Variants in TTC28 observed in about 807,000 individuals in gnomAD.
TTC28 encodes the protein tetratricopeptide repeat domain 28.
TTC28 carries 61 observed loss-of-function variants against 198.0 expected under a neutral mutation model. The ratio of observed to expected loss-of-function variants is 0.31; its 90% CI spans 0.25 to 0.38. The LOEUF (loss-of-function observed/expected upper bound fraction) is 0.38, where lower values mean the gene tolerates loss of function less well. Ranked by LOEUF, TTC28 falls within the 10% of genes least tolerant of loss-of-function variation. TTC28 has a pLI of 1.00. For missense variants in TTC28, 2,678 were observed against 3,164.0 expected (o/e 0.85, Z 3.69); for synonymous variants, 1,171 against 1,297.8 (o/e 0.90, Z 2.10).
intron 2 of TTC28, among the ~76,000 whole-genome samples, chr22:28,620,272 C>A (rs2050972509): frequency 1.3e-5 from 2 of 151,788 alleles, no homozygotes; most frequent in African/African-American, 4.8e-5. Context: ...ACTGTTTGAA[C>A]CAGAGAGGCA....
chr22:28,059,632 T>C (rs1940430764), intron 12 of TTC28, among the ~76,000 whole-genome samples: 1 of 152,056 alleles, frequency 6.6e-6, no homozygotes. Context: ...TATTTATCAA[T>C]ACAGAGTGGT....
chr22:28,569,330 AAAC>A (rs1357347523), intron 2 of TTC28, among the ~76,000 whole-genome samples: 1 of 152,144 alleles, frequency 6.6e-6, no homozygotes, highest in African/African-American at 2.4e-5. Context: ...ACATGATATC[AAAC>A]AACATGATAC....
intron 14 of TTC28, among the ~76,000 whole-genome samples, chr22:28,006,085 G>T (rs752085803): frequency 6.6e-6 from 1 of 152,226 alleles, no homozygotes. Context: ...GGAAAGAATA[G>T]GGGGTCTGAG....
chr22:28,349,364 T>G (rs1007138338), intron 2 of TTC28, among the ~76,000 whole-genome samples: 11 of 152,298 alleles, frequency 7.2e-5, no homozygotes, highest in African/African-American at 2.6e-4. Flanking sequence ...TTGATGCAAT[T>G]TAATATTTTA....
chr22:28,275,586 T>C (rs927948945), intron 5 of TTC28, among the ~76,000 whole-genome samples: 2 of 152,170 alleles, frequency 1.3e-5, no homozygotes, highest in African/African-American at 2.4e-5. Context: ...TAACTTATAA[T>C]TGTTTTACAT....
At chr22:28,106,068 A>C (rs1942290195) in intron 7 of TTC28, among the ~76,000 whole-genome samples, 1 of 152,212 alleles carries the variant, frequency 6.6e-6, no homozygotes, top group Non-Finnish European at 1.5e-5. Flanking sequence ...AACATAAAAT[A>C]TATTAATAGG....
chr22:28,581,759 A>C (rs2050236803), intron 2 of TTC28, among the ~76,000 whole-genome samples: 1 of 152,202 alleles, frequency 6.6e-6, no homozygotes, highest in Admixed American at 6.5e-5. Context: ...AAACGAACAA[A>C]CAAAAGAACA....
At chr22:27,984,072 C>A (rs1937120697) in intron 22 of TTC28, among the ~76,000 whole-genome samples, 1 of 152,144 alleles carries the variant, frequency 6.6e-6, no homozygotes, top group Non-Finnish European at 1.5e-5. Context: ...GCCACACCCA[C>A]CCCAGACCCA....
intron 2 of TTC28, among the ~76,000 whole-genome samples, chr22:28,502,572 C>T (rs763276723): frequency 2.0e-5 from 3 of 151,716 alleles, no homozygotes; most frequent in Non-Finnish European, 4.4e-5. Context: ...GGTGTGAATC[C>T]GGGAGGCAGA....
chr22:28,677,175 AATAT>A lies in TTC28; in HGVS notation c.102+2443_102+2446del, dbSNP rs143954002. On this transcript the variant is annotated intron_variant, in intron 1 of 22. Transcript: ENST00000397906. Reference sequence around the variant, plus strand: ...CATCTCAGGAAAAAAAAAAAAAAAAAATATATATATATATATATATATATATACA... The same window carrying A: ...CATCTCAGGAAAAAAAAAAAAAAAAAATATATATATATATATATATATACA... Among the ~76,000 whole-genome samples, 419 of 69,376 alleles carry A rather than the reference AATAT, an allele frequency of 6.0e-3. 4 individuals carry two copies. Among genetic ancestry groups the A allele is most frequent in the East Asian group, 0.02 (52 of 2,566 alleles). 45.5% of individuals were successfully genotyped at this position (69,376 alleles called of 152,430 possible). A position where few individuals can be genotyped will look rare whatever the true frequency, so the allele number is the denominator to read the frequency against.
chr22:28,597,684 A>G lies in TTC28; in HGVS notation c.381+31868T>C, dbSNP rs2050564268. On this transcript the variant is annotated intron_variant, in intron 2 of 22. Transcript: ENST00000397906. ...GCAACTAGCAGTATGGCAACTAGCC[A>G]ATATATGATCTATTTATACGGAAAA... Among the ~76,000 whole-genome samples, 3 of 152,240 alleles carry G rather than the reference A, an allele frequency of 2.0e-5. No homozygotes were observed. The South Asian group carries it at 6.2e-4, about 31-fold the overall frequency.
chr22:28,251,098 T>A (rs1466460226), intron 5 of TTC28, among the ~76,000 whole-genome samples: 1 of 152,244 alleles, frequency 6.6e-6, no homozygotes, highest in Non-Finnish European at 1.5e-5. Context: ...AAGATGGCTA[T>A]GACTGGTTTT....
intron 5 of TTC28, among the ~76,000 whole-genome samples, chr22:28,224,360 T>C (rs1292643992): frequency 2.0e-5 from 3 of 152,164 alleles, no homozygotes; most frequent in African/African-American, 7.2e-5. Context: ...ACATGTAGTA[T>C]GCAATGTGCC....
In TTC28 at chr22:28,171,422, T is replaced by A. The variant is rs189350917; in HGVS notation, c.934-7823A>T. ...GGGCCTCCTGGCTAGGGAATAACAA[T>A]GAGGGGATGCTGTCCCTCCTGGAGT... is the stretch of plus-strand genomic sequence containing the variant. On this transcript the variant is annotated intron_variant, in intron 5 of 22. Transcript: ENST00000397906. Among the ~76,000 whole-genome samples, 31 of 152,260 alleles carry A rather than the reference T, an allele frequency of 2.0e-4. No homozygotes were observed. The East Asian group carries it at 5.4e-3, about 27-fold the overall frequency.
At chr22:28,048,244 C>G (rs1939943483) in intron 12 of TTC28, among the ~76,000 whole-genome samples, 1 of 152,098 alleles carries the variant, frequency 6.6e-6, no homozygotes, top group Non-Finnish European at 1.5e-5. Context: ...GTGCAAGATG[C>G]TATAAGAGAT....
At chr22:28,679,480 A>ACGGCTCG in intron 1 of TTC28, 142 bp downstream of exon 1, 1 of 535,386 alleles carries the variant, frequency 1.9e-6, no homozygotes, top group African/African-American at 2.0e-5. Context: ...CCGCCGCCTC[A>ACGGCTCG]CGGCTCGCGG....
In TTC28 at chr22:28,096,380, T is replaced by C. The variant is rs750853703; in HGVS notation, c.3576A>G (p.Ala1192=). 6.4e-7 allele frequency: 1 copy of C among 1,551,734 alleles called. No homozygotes were observed. The change falls in exon 11 of 23, where the codon GCA becomes GCG. Residue 1192 remains alanine (A), a synonymous_variant. Transcript: ENST00000397906. ...CAAATGCCCTTGTCCGTCCCCTTTC[T>C]GCCACAGCCAGGGCTTCATCATGAT... is the stretch of plus-strand genomic sequence containing the variant. ...LGHHDEALAV[A]ERGRTRAFAD...
intron 1 of TTC28, among the ~76,000 whole-genome samples, chr22:28,653,550 T>A (rs1202098457): frequency 6.6e-6 from 1 of 151,264 alleles, no homozygotes; most frequent in Admixed American, 6.6e-5. Flanking sequence ...CTTCCAGGAG[T>A]TATATGGCCC....
Position 28,105,721 on chromosome 22 carries a change from A to G in TTC28, c.2865T>C (p.Asn955=). The G allele has an allele frequency of 6.4e-7, 1 of 1,551,754 alleles. No homozygotes were observed. The highest frequency in any genetic ancestry group is 2.4e-5 in the East Asian group (1 of 40,912). ...VVAHELGEAF[N]KAQAYGELGS... is the part of the protein sequence containing the mutation. ...CCAGCTCTCCATAGGCCTGGGCTTT[A>G]TTGAAGGCCTCTCCAAGTTCATGAG... Residue 955 remains asparagine (N), a synonymous_variant, in exon 8 of 23, where the codon AAT becomes AAC. Coordinates refer to ENST00000397906, the MANE Select transcript of TTC28 (RefSeq NM_001145418.2).
Sources: gnomAD v4.1 joint callset for allele counts (sites outside exome capture counted in the v4.1 genomes callset) on GRCh38, gnomAD v4.1.1 for gene constraint, MANE v1.5 for transcripts, NCBI Gene and HGNC (gene_info 2026-07-23, HGNC 2026-07-21) for gene names.